The following CASP10 variants were observed in gnomAD, a reference collection of about 807,000 sequenced individuals.
CASP10 encodes the protein caspase 10, also known as caspase-10.
In CASP10, 41 loss-of-function variants were observed where a neutral mutation model predicts 48.5. The observed-to-expected ratio is 0.85, with a 90% CI of 0.66 to 1.10. CASP10 has a LOEUF of 1.10. Among genes scored for constraint, CASP10 ranks in the 50% least tolerant of loss-of-function variants. The probability of loss-of-function intolerance (pLI) is 0.00; values close to 1 mark genes in which losing one functional copy is unlikely to be tolerated. For missense variants in CASP10, 614 were observed against 614.5 expected (o/e 1.00, Z 0.01); for synonymous variants, 232 against 238.4 (o/e 0.97, Z 0.25).
At position 201,205,945 on chromosome 2, in the gene CASP10, A is replaced by T; in HGVS notation, c.785A>T (p.Asn262Ile). Reference protein sequence around the residue: ...VSRGMQGASANTLNSETSTKR... With the variant: ...VSRGMQGASAITLNSETSTKR... ...AGGGGGATGCAAGGAGCATCTGCTA[A>T]CACTCTAAACTCTGAAACCAGCACA... Residue 262 changes from asparagine to isoleucine, a missense_variant, in exon 7 of 10, where the codon AAC (asparagine) becomes ATC (isoleucine). Physicochemically the swap from Asn to Ile is moderately radical, Grantham distance 149 (BLOSUM62 -3). Transcript: ENST00000286186. The T allele has an allele frequency of 6.2e-7, 1 of 1,613,062 alleles. No homozygotes were observed. Among genetic ancestry groups the T allele is most frequent in the Non-Finnish European group, 8.5e-7 (1 of 1,179,052 alleles).
rs1256134363 is a variant in CASP10 at position 201,209,132 on chromosome 2, A to C, written c.985A>C (p.Lys329Gln). 2 of 1,611,784 alleles carry C rather than the reference A, an allele frequency of 1.2e-6. No homozygotes were observed. The highest frequency in any genetic ancestry group is 4.5e-5 in the East Asian group (2 of 44,812). ...FTVHIHNNVT[K>Q]VEMEMVLQKQ... is the part of the protein sequence containing the mutation. ...AGTGCATATACACAATAATGTGACG[A>C]AAGTGGAAATGGAGATGGTCCTGCA... Residue 329 changes from lysine to glutamine, a missense_variant, in exon 9 of 10, where the codon AAA (lysine) becomes CAA (glutamine). Lys to Gln is a moderately conservative substitution (Grantham distance 53, BLOSUM62 1). Transcript: ENST00000286186.
At chr2:201,208,020 C>A in intron 7 of CASP10, 55 bp from the exon 8 acceptor site, 1 of 1,282,908 alleles carries the variant, frequency 7.8e-7, no homozygotes, top group African/African-American at 1.5e-5. Context: ...TGGTTAGAAA[C>A]ATTTAAGGCC....
chr2:201,193,838 C>T (rs1484974154), intron 4 of CASP10, among the ~76,000 whole-genome samples: 1 of 152,146 alleles, frequency 6.6e-6, no homozygotes, highest in Non-Finnish European at 1.5e-5. Context: ...GCCAGGACTC[C>T]ACTTACTAGT....
At position 201,217,707 on chromosome 2, in the gene CASP10, T is replaced by G; in HGVS notation, c.1535T>G (p.Val512Gly). 1 of 1,614,134 alleles carries G rather than the reference T, an allele frequency of 6.2e-7. No homozygotes were observed. Residue 512 changes from valine (V) to glycine (G), a missense_variant, in exon 10 of 10, where the codon GTA becomes GGA. By Grantham distance (109) the Val-to-Gly change is moderately radical. Transcript: ENST00000286186. The stretch of plus-strand genomic sequence containing the variant: ...GCTTTCACACTAAGGAAAAAACTAG[T>G]ATTCCCTGTGCCCCTGGATGCACTT... ...QPAFTLRKKL[V>G]FPVPLDALSL
chr2:201,189,514 C>T (rs1944533543), intron 3 of CASP10, among the ~76,000 whole-genome samples: 1 of 152,226 alleles, frequency 6.6e-6, no homozygotes, highest in African/African-American at 2.4e-5. Flanking sequence ...ATCTACCTGC[C>T]TCAGCCTCCC....
chr2:201,207,330 C>T (rs1290396361), intron 7 of CASP10, among the ~76,000 whole-genome samples: 1 of 152,098 alleles, frequency 6.6e-6, no homozygotes, highest in Non-Finnish European at 1.5e-5. Flanking sequence ...AGTATAAAAA[C>T]ATGGTTTTGG....
At chr2:201,192,150 T>C (rs1944632878) in intron 3 of CASP10, among the ~76,000 whole-genome samples, 1 of 152,174 alleles carries the variant, frequency 6.6e-6, no homozygotes, top group South Asian at 2.1e-4. Context: ...ATCCCAGCAC[T>C]TTGGGAGGCC....
intron 6 of CASP10, among the ~76,000 whole-genome samples, chr2:201,204,428 G>A (rs960708801): frequency 2.6e-5 from 4 of 152,028 alleles, no homozygotes; most frequent in Non-Finnish European, 5.9e-5. Flanking sequence ...TGCCTAACAC[G>A]GAGGTTGTGT....
intron 3 of CASP10, among the ~76,000 whole-genome samples, chr2:201,189,195 G>A (rs1029269146): frequency 2.0e-5 from 3 of 151,532 alleles, no homozygotes; most frequent in Admixed American, 6.6e-5. Context: ...GTATCATTTC[G>A]TTTTCCCTTC....
chr2:201,195,995 C>A (rs746074361), intron 5 of CASP10, 47 bp downstream of exon 5: 2 of 1,275,552 alleles, frequency 1.6e-6, no homozygotes, highest in South Asian at 1.2e-5. Context: ...CGGCTCCACC[C>A]TCCAACCTCC....
At chr2:201,206,842 T>C (rs7605760) in intron 7 of CASP10, among the ~76,000 whole-genome samples, 1,594 of 152,298 alleles carry the variant, frequency 0.01, 37 homozygotes, top group African/African-American at 0.037. Context: ...AAATCTTTGA[T>C]ATTTATGTTG....
intron 6 of CASP10, among the ~76,000 whole-genome samples, chr2:201,204,860 A>G (rs1945146337): frequency 6.6e-6 from 1 of 152,178 alleles, no homozygotes. Context: ...GGAGGAATTT[A>G]TAGGTGCTCT....
chr2:201,210,331 G>T (rs1254003901), intron 9 of CASP10, among the ~76,000 whole-genome samples: 2 of 152,164 alleles, frequency 1.3e-5, no homozygotes, highest in African/African-American at 4.8e-5. Flanking sequence ...ATTCCTGGGG[G>T]CAGAGACCCT....
At chr2:201,192,635 T>C (rs962239765) in intron 3 of CASP10, among the ~76,000 whole-genome samples, 2 of 152,152 alleles carry the variant, frequency 1.3e-5, no homozygotes, top group African/African-American at 4.8e-5. Context: ...TAATTAGCTT[T>C]GTGACCTTCG....
intron 8 of CASP10, chr2:201,208,415 C>A: frequency 1.0e-6 from 1 of 980,746 alleles, no homozygotes; most frequent in Non-Finnish European, 1.2e-6. Flanking sequence ...GGAGAGCCTG[C>A]TGGATTGGCA....
chr2:201,186,598 T>C (rs926693675), intron 2 of CASP10, among the ~76,000 whole-genome samples: 1 of 152,224 alleles, frequency 6.6e-6, no homozygotes, highest in African/African-American at 2.4e-5. Flanking sequence ...TAGAAATTTC[T>C]ATATTTTTGG....
At chr2:201,193,390 T>C in intron 4 of CASP10, 1 of 365,886 alleles carries the variant, frequency 2.7e-6, no homozygotes, top group Non-Finnish European at 5.3e-6. Flanking sequence ...GTATTTTTAG[T>C]AGCGACAGGG....
In CASP10 at chr2:201,208,242, AT is replaced by A. The variant is rs1945274524; in HGVS notation, c.922+63del. The A allele has an allele frequency of 5.8e-6, 9 of 1,560,324 alleles. No individual in the cohort carries two copies. In the East Asian group the frequency reaches 2.1e-4, roughly 36 times the overall value. On this transcript the variant is annotated intron_variant, in intron 8 of 9. Transcript: ENST00000286186. ...ATTGGGGATCTTAAAATTATTTTTTATTTTCACATTTTCTTTCTGTGACTTT... is the reference window on the plus strand; with the variant it reads ...ATTGGGGATCTTAAAATTATTTTTTATTTCACATTTTCTTTCTGTGACTTT...
At chr2:201,197,600 G>C (rs1944848710) in intron 5 of CASP10, among the ~76,000 whole-genome samples, 1 of 152,210 alleles carries the variant, frequency 6.6e-6, no homozygotes, top group South Asian at 2.1e-4. Context: ...GGGCAACAGA[G>C]TGAGACCCTG....
Sources: gnomAD v4.1 joint callset for allele counts (sites outside exome capture counted in the v4.1 genomes callset) on GRCh38, gnomAD v4.1.1 for gene constraint, MANE v1.5 for transcripts, NCBI Gene and HGNC (gene_info 2026-07-23, HGNC 2026-07-21) for gene names.